OR9Q1: variants seen among roughly 807,000 people sequenced by gnomAD.
OR9Q1 encodes olfactory receptor family 9 subfamily Q member 1, also known as olfactory receptor 9Q1.
For missense variants in OR9Q1, 374 were observed against 378.8 expected (o/e 0.99, Z 0.11); for synonymous variants, 153 against 148.6 (o/e 1.03, Z -0.22).
intron 2 of OR9Q1, among the ~76,000 whole-genome samples, chr11:58,083,193 G>A (rs1590578796): frequency 6.6e-6 from 1 of 152,000 alleles, no homozygotes; most frequent in Non-Finnish European, 1.5e-5. Context: ...TGTATATGGT[G>A]TAAGGAAGGG....
chr11:58,094,066 G>A (rs1291932833), intron 2 of OR9Q1, among the ~76,000 whole-genome samples: 1 of 152,004 alleles, frequency 6.6e-6, no homozygotes, highest in African/African-American at 2.4e-5. Context: ...ACATATGACT[G>A]AACTAAAAAT....
At chr11:58,117,073 G>C (rs1283257556) in intron 2 of OR9Q1, 1 of 152,112 alleles carries the variant, frequency 6.6e-6, no homozygotes, top group Non-Finnish European at 1.5e-5. Flanking sequence ...GATCTATTTT[G>C]CTTTTGTCAG....
chr11:58,085,305 T>C (rs1384541893), intron 2 of OR9Q1, among the ~76,000 whole-genome samples: 1 of 152,032 alleles, frequency 6.6e-6, no homozygotes. Flanking sequence ...GACATATACA[T>C]ACCTGTGAGA....
intron 2 of OR9Q1, among the ~76,000 whole-genome samples, chr11:58,148,882 T>C (rs1027110399): frequency 3.3e-5 from 5 of 152,176 alleles, no homozygotes; most frequent in Admixed American, 2.6e-4. Flanking sequence ...CTTGTGGAGA[T>C]CAAGATGCTT....
At chr11:58,119,352 A>C (rs1402959065) in intron 2 of OR9Q1, 1 of 1,613,978 alleles carries the variant, frequency 6.2e-7, no homozygotes, top group Non-Finnish European at 8.5e-7. Context: ...AGAAACTCAG[A>C]AACACCAGAA....
intron 2 of OR9Q1, among the ~76,000 whole-genome samples, chr11:58,070,650 T>C (rs1853478841): frequency 6.6e-6 from 1 of 152,232 alleles, no homozygotes; most frequent in Admixed American, 6.5e-5. Context: ...ATGGTGGCCC[T>C]TGAACCACTC....
At chr11:58,057,997 G>A (rs1456467980) in intron 2 of OR9Q1, among the ~76,000 whole-genome samples, 5 of 152,170 alleles carry the variant, frequency 3.3e-5, no homozygotes, top group Admixed American at 3.3e-4. Flanking sequence ...ATCCCATATT[G>A]AGATTTGAGC....
intron 1 of OR9Q1, chr11:58,031,245 A>G: frequency 6.2e-7 from 1 of 1,614,148 alleles, no homozygotes; most frequent in South Asian, 1.1e-5. Flanking sequence ...AATATCTCTT[A>G]TGCTGATTGC....
At chr11:58,120,128 C>A (rs965838444) in intron 2 of OR9Q1, among the ~76,000 whole-genome samples, 1 of 152,148 alleles carries the variant, frequency 6.6e-6, no homozygotes, top group African/African-American at 2.4e-5. Flanking sequence ...ATCATCACCA[C>A]CCCAGCTCAG....
Position 58,026,552 on chromosome 11 carries a change from C to T in OR9Q1, c.-93+2448C>T, listed in dbSNP as rs565693226. Among the ~76,000 whole-genome samples the T allele has an allele frequency of 4.0e-5, 6 of 151,840 alleles. No homozygotes were observed. The Middle Eastern group carries it at 0.01, about 258-fold the overall frequency. On this transcript the variant is annotated intron_variant, in intron 1 of 2. Transcript: ENST00000335397. ...CAAAAATTAGCTGGATATGGTGATGCGTGCCTGAAATCCCAGCTACTTGGG... is the reference window on the plus strand; with the variant it reads ...CAAAAATTAGCTGGATATGGTGATGTGTGCCTGAAATCCCAGCTACTTGGG...
chr11:58,115,038 C>A (rs1047568604), intron 2 of OR9Q1, among the ~76,000 whole-genome samples: 2 of 152,152 alleles, frequency 1.3e-5, no homozygotes, highest in African/African-American at 4.8e-5. Context: ...ACCAGGCATT[C>A]TTCAGTTTAA....
intron 2 of OR9Q1, among the ~76,000 whole-genome samples, chr11:58,115,062 A>G (rs1399701272): frequency 6.6e-6 from 1 of 152,146 alleles, no homozygotes; most frequent in Non-Finnish European, 1.5e-5. Flanking sequence ...CCTGCCTTCT[A>G]AATGTTCCCT....
rs758049819 is a variant in OR9Q1, at chr11:58,031,740, A to T, written c.-93+7636A>T. On this transcript the variant is annotated intron_variant, in intron 1 of 2. Transcript: ENST00000335397. The stretch of plus-strand genomic sequence containing the variant: ...TTCTATGGCACTCTTTTCTTTATGT[A>T]TGTCCAGACCAAGGTGACCTCCTCC... The T allele has an allele frequency of 1.7e-5, 27 of 1,614,028 alleles. 1 individual carries two copies. The South Asian group carries it at 2.9e-4, about 17-fold the overall frequency.
intron 1 of OR9Q1, among the ~76,000 whole-genome samples, chr11:58,024,597 C>T (rs188821303): frequency 1.3e-5 from 2 of 152,168 alleles, no homozygotes; most frequent in Admixed American, 1.3e-4. Context: ...CAGGGAGCAC[C>T]GTCTTTTGAG....
intron 2 of OR9Q1, among the ~76,000 whole-genome samples, chr11:58,158,699 C>G (rs1854431038): frequency 6.6e-6 from 1 of 152,144 alleles, no homozygotes; most frequent in South Asian, 2.1e-4. Flanking sequence ...CCACCTGACT[C>G]AAGATGGGCT....
At chr11:58,048,321 T>A (rs1299734371) in intron 1 of OR9Q1, among the ~76,000 whole-genome samples, 1 of 152,132 alleles carries the variant, frequency 6.6e-6, no homozygotes, top group Non-Finnish European at 1.5e-5. Flanking sequence ...TTACATATTG[T>A]ATACATGTAC....
At chr11:58,114,889 G>T (rs1238830951) in intron 2 of OR9Q1, among the ~76,000 whole-genome samples, 1 of 152,108 alleles carries the variant, frequency 6.6e-6, no homozygotes, top group African/African-American at 2.4e-5. Context: ...GGAGGAAACT[G>T]GGACTTCCGG....
chr11:58,087,695 C>G (rs1853646798), intron 2 of OR9Q1, among the ~76,000 whole-genome samples: 1 of 151,770 alleles, frequency 6.6e-6, no homozygotes, highest in African/African-American at 2.4e-5. Flanking sequence ...AGCTATTTGT[C>G]CTAATGCTCT....
intron 2 of OR9Q1, chr11:58,171,815 A>G (rs1457314454): frequency 1.3e-5 from 2 of 152,198 alleles, no homozygotes; most frequent in Non-Finnish European, 2.9e-5. Context: ...GTTCATGCAA[A>G]CTAGGCATGG....
Sources: gnomAD v4.1 joint callset for allele counts (sites outside exome capture counted in the v4.1 genomes callset) on GRCh38, gnomAD v4.1.1 for gene constraint, MANE v1.5 for transcripts, NCBI Gene and HGNC (gene_info 2026-07-23, HGNC 2026-07-21) for gene names.